The following AKAP13 variants were observed in gnomAD, a reference collection of about 807,000 sequenced individuals.
The protein encoded by AKAP13 is A-kinase anchoring protein 13.
A neutral mutation model predicts 264.5 loss-of-function variants in AKAP13; 80 were observed. That is an observed-to-expected ratio of 0.30 (90% CI 0.25 to 0.36). AKAP13 has a LOEUF of 0.36. Among genes scored for constraint, AKAP13 ranks in the 10% least tolerant of loss-of-function variants. AKAP13 has a pLI of 1.00. For synonymous variants in AKAP13, 1,380 were observed against 1,250.2 expected, an observed-to-expected ratio of 1.10 and a Z score of -2.19; for missense variants, 3,712 against 3,435.2, an observed-to-expected ratio of 1.08 and a Z score of -2.01.
chr15:85,408,467 A>G (rs146140950), intron 1 of AKAP13, among the ~76,000 whole-genome samples: 1 of 151,792 alleles, frequency 6.6e-6, no homozygotes, highest in African/African-American at 2.4e-5. Context: ...TACCCATGAA[A>G]CAATAACTTT....
At chr15:85,535,127 C>T (rs2077349707) in intron 4 of AKAP13, 1 of 152,212 alleles carries the variant, frequency 6.6e-6, no homozygotes, top group South Asian at 2.1e-4. Context: ...GTAAGCAGAC[C>T]ACAAGTCACT....
chr15:85,631,960 A>T (rs2081851591), intron 8 of AKAP13, among the ~76,000 whole-genome samples: 1 of 152,212 alleles, frequency 6.6e-6, no homozygotes, highest in Non-Finnish European at 1.5e-5. Flanking sequence ...TCGTTCAGAC[A>T]TATCCACCCA....
intron 8 of AKAP13, among the ~76,000 whole-genome samples, chr15:85,634,037 A>T (rs764621690): frequency 4.6e-5 from 7 of 152,102 alleles, no homozygotes; most frequent in Non-Finnish European, 1.0e-4. Flanking sequence ...ATTACTTTTA[A>T]ATTTTTGGCA....
At chr15:85,482,268 C>T (rs1020339235) in intron 1 of AKAP13, among the ~76,000 whole-genome samples, 1 of 152,212 alleles carries the variant, frequency 6.6e-6, no homozygotes, top group African/African-American at 2.4e-5. Flanking sequence ...GGCCTTCCCT[C>T]AGCACCATGT....
chr15:85,521,317 G>A (rs2076816979), intron 2 of AKAP13, 111 bp from the exon 3 acceptor site: 6 of 1,286,120 alleles, frequency 4.7e-6, no homozygotes, highest in Non-Finnish European at 6.6e-6. Flanking sequence ...CAGAATGGGG[G>A]CATGGTTTAG....
chr15:85,726,339 A>G, intron 26 of AKAP13, 71 bp from the exon 27 acceptor site: 3 of 1,327,662 alleles, frequency 2.3e-6, no homozygotes, highest in Non-Finnish European at 3.2e-6. Context: ...TTCAATAAAA[A>G]ACCTTCTGAC....
At chr15:85,426,497 T>G (rs747618476) in intron 1 of AKAP13, among the ~76,000 whole-genome samples, 26 of 111,640 alleles carry the variant, frequency 2.3e-4, no homozygotes, top group African/African-American at 6.1e-4. Flanking sequence ...TGTTTTTTTG[T>G]TTTTTTTTGG....
intron 17 of AKAP13, among the ~76,000 whole-genome samples, chr15:85,697,398 G>C (rs141672105): frequency 1.3e-5 from 2 of 152,036 alleles, no homozygotes; most frequent in African/African-American, 4.8e-5. Context: ...GTGAAACCCC[G>C]TCTCTACTAA....
chr15:85,456,401 T>C (rs2074279120), intron 1 of AKAP13, among the ~76,000 whole-genome samples: 1 of 152,230 alleles, frequency 6.6e-6, no homozygotes, highest in East Asian at 1.9e-4. Flanking sequence ...ACTGCACTGC[T>C]GCAGTCTCTA....
intron 7 of AKAP13, 129 bp from the exon 8 acceptor site, chr15:85,585,573 A>G: frequency 1.5e-6 from 2 of 1,333,834 alleles, no homozygotes; most frequent in East Asian, 2.4e-5. Flanking sequence ...CGCTGACAAC[A>G]AAAGAATACT....
At position 85,580,255 on chromosome 15, in the gene AKAP13, G is replaced by T; in HGVS notation, c.2187G>T (p.Ala729=). Residue 729 remains alanine (A), a synonymous_variant, in exon 7 of 37, where the codon GCG becomes GCT. Transcript: ENST00000394518. ...CTGTAAGGGATACCCAGGAACGTGC[G>T]GATTTTTGTCCTTTCAAAGTGGTGG... ...SDPVRDTQER[A]DFCPFKVVDN... 2 of 1,614,176 alleles carry T rather than the reference G, an allele frequency of 1.2e-6. No homozygotes were observed. Among genetic ancestry groups the T allele is most frequent in the Admixed American group, 3.3e-5 (2 of 60,012 alleles).
intron 1 of AKAP13, among the ~76,000 whole-genome samples, chr15:85,473,534 T>C (rs2075043184): frequency 6.6e-6 from 1 of 152,204 alleles, no homozygotes; most frequent in Non-Finnish European, 1.5e-5. Context: ...AGGCCCCCAC[T>C]GCAACACGCA....
intron 5 of AKAP13, among the ~76,000 whole-genome samples, chr15:85,570,352 G>A (rs950307681): frequency 1.4e-4 from 22 of 151,872 alleles, no homozygotes; most frequent in South Asian, 2.1e-4. Flanking sequence ...CTTGGGAGGC[G>A]GAGGCAGGAG....
chr15:85,525,984 C>T (rs1460675009), intron 3 of AKAP13, among the ~76,000 whole-genome samples: 1 of 152,166 alleles, frequency 6.6e-6, no homozygotes, highest in Non-Finnish European at 1.5e-5. Flanking sequence ...CTATTTTCAG[C>T]ATGTCTGTTA....
chr15:85,465,566 T>G (rs1161960802), intron 1 of AKAP13, among the ~76,000 whole-genome samples: 1 of 144,608 alleles, frequency 6.9e-6, no homozygotes, highest in Non-Finnish European at 1.5e-5. Context: ...GTGTTCTCAT[T>G]GTTCAGTTCC....
At chr15:85,414,839 T>G (rs2072159977) in intron 1 of AKAP13, among the ~76,000 whole-genome samples, 1 of 152,228 alleles carries the variant, frequency 6.6e-6, no homozygotes, top group South Asian at 2.1e-4. Context: ...TTGCCTTGTA[T>G]TAAAGAAGTA....
chr15:85,382,755 C>G (rs2070355317), intron 1 of AKAP13, among the ~76,000 whole-genome samples: 1 of 152,132 alleles, frequency 6.6e-6, no homozygotes, highest in Admixed American at 6.5e-5. Flanking sequence ...TGTGATAGAC[C>G]TTATTTAGCT....
chr15:85,602,230 C>T (rs1254323160), intron 8 of AKAP13, among the ~76,000 whole-genome samples: 7 of 152,030 alleles, frequency 4.6e-5, no homozygotes, highest in Admixed American at 2.0e-4. Context: ...GGCTGGAGTG[C>T]GGTGGCACAA....
At chr15:85,396,774 G>A (rs2071133000) in intron 1 of AKAP13, among the ~76,000 whole-genome samples, 1 of 152,032 alleles carries the variant, frequency 6.6e-6, no homozygotes, top group African/African-American at 2.4e-5. Context: ...TGCAGAAATA[G>A]GACTGCAAAC....
Sources: allele counts gnomAD v4.1 joint callset (sites outside exome capture counted in the v4.1 genomes callset), GRCh38; gene constraint gnomAD v4.1.1; transcripts MANE v1.5; gene names NCBI Gene and HGNC (gene_info 2026-07-23, HGNC 2026-07-21).